Variants in EXOC6B observed in about 807,000 individuals in gnomAD.
The protein encoded by EXOC6B is exocyst complex component 6B.
In EXOC6B, 54 loss-of-function variants were observed where a neutral mutation model predicts 113.5. The observed-to-expected ratio is 0.48, with a 90% confidence interval of 0.38 to 0.60. The LOEUF is 0.60. Ranked by LOEUF, EXOC6B falls within the 20% of genes least tolerant of loss-of-function variation. The probability of loss-of-function intolerance (pLI) is 0.00; values close to 1 mark genes in which losing one functional copy is unlikely to be tolerated. For synonymous variants in EXOC6B, 357 were observed against 339.0 expected (o/e 1.05, Z -0.58); for missense variants, 797 against 977.5 (o/e 0.82, Z 2.46).
intron 20 of EXOC6B, among the ~76,000 whole-genome samples, chr2:72,206,014 G>A (rs1048493262): frequency 6.6e-6 from 1 of 152,162 alleles, no homozygotes; most frequent in East Asian, 1.9e-4. Context: ...TGTGAGAGAC[G>A]AGACTATTGG....
chr2:72,725,720 G>A (rs1680259357), intron 5 of EXOC6B, among the ~76,000 whole-genome samples: 1 of 152,204 alleles, frequency 6.6e-6, no homozygotes, highest in Non-Finnish European at 1.5e-5. Context: ...TATTGGCTAG[G>A]CTATGCAGAA....
chr2:72,182,887 T>A, intron 21 of EXOC6B: 1 of 1,231,056 alleles, frequency 8.1e-7, no homozygotes, highest in Non-Finnish European at 1.0e-6. Flanking sequence ...GTGAATAATA[T>A]ACTTACTCTC....
chr2:72,194,076 C>T (rs968846675), intron 20 of EXOC6B, among the ~76,000 whole-genome samples: 1 of 152,122 alleles, frequency 6.6e-6, no homozygotes, highest in African/African-American at 2.4e-5. Flanking sequence ...AGATCCAAGG[C>T]AGGGAGGGCA....
chr2:72,721,845 C>T (rs909065550), intron 5 of EXOC6B: 21 of 151,866 alleles, frequency 1.4e-4, no homozygotes, highest in African/African-American at 3.6e-4. Flanking sequence ...AATTTAATAT[C>T]TGATATATCT....
chr2:72,798,270 T>TAG (rs923266078), intron 1 of EXOC6B, among the ~76,000 whole-genome samples: 1 of 152,110 alleles, frequency 6.6e-6, no homozygotes, highest in Admixed American at 6.5e-5. Context: ...TGTGTAACTC[T>TAG]AGAGAGCAGA....
intron 17 of EXOC6B, 60 bp from the exon 18 acceptor site, chr2:72,465,399 A>G (rs1329302494): frequency 3.0e-6 from 4 of 1,354,684 alleles, no homozygotes; most frequent in Non-Finnish European, 4.1e-6. Context: ...AGAAATTTCT[A>G]TGAGCTTAGA....
chr2:72,708,537 TGGA>T (rs1351868980), intron 6 of EXOC6B, among the ~76,000 whole-genome samples: 1 of 152,020 alleles, frequency 6.6e-6, no homozygotes, highest in Non-Finnish European at 1.5e-5. Flanking sequence ...ACAATGGAGG[TGGA>T]GAACACAGAT....
chr2:72,566,296 C>T (rs1049801356), intron 7 of EXOC6B, among the ~76,000 whole-genome samples: 2 of 152,056 alleles, frequency 1.3e-5, no homozygotes, highest in African/African-American at 4.8e-5. Context: ...GCCTTTTGAA[C>T]CTGGCTTCTT....
intron 20 of EXOC6B, among the ~76,000 whole-genome samples, chr2:72,320,492 AC>A (rs1687787941): frequency 6.6e-6 from 1 of 152,174 alleles, no homozygotes; most frequent in African/African-American, 2.4e-5. Context: ...AGTCTTTTTA[AC>A]AAATGGTGCT....
intron 1 of EXOC6B, among the ~76,000 whole-genome samples, chr2:72,820,598 A>T (rs1348574843): frequency 6.6e-6 from 1 of 152,170 alleles, no homozygotes; most frequent in Non-Finnish European, 1.5e-5. Context: ...TACTAAATGA[A>T]GGAAGTTAGG....
intron 8 of EXOC6B, among the ~76,000 whole-genome samples, chr2:72,538,739 A>T (rs1365035608): frequency 6.6e-6 from 1 of 152,264 alleles, no homozygotes; most frequent in African/African-American, 2.4e-5. Context: ...TATTGAATAA[A>T]TGAATGAACA....
intron 6 of EXOC6B, among the ~76,000 whole-genome samples, chr2:72,633,519 G>A (rs1241516903): frequency 6.6e-6 from 1 of 152,040 alleles, no homozygotes; most frequent in African/African-American, 2.4e-5. Context: ...AAAACAAAAT[G>A]GACTCTGGTC....
At chr2:72,601,813 A>T (rs1469674054) in intron 6 of EXOC6B, among the ~76,000 whole-genome samples, 1 of 152,220 alleles carries the variant, frequency 6.6e-6, no homozygotes, top group Non-Finnish European at 1.5e-5. Flanking sequence ...ACTGTGGTAT[A>T]TTCATACAAT....
chr2:72,813,354 C>T (rs1028692525), intron 1 of EXOC6B, among the ~76,000 whole-genome samples: 2 of 152,202 alleles, frequency 1.3e-5, no homozygotes, highest in Non-Finnish European at 2.9e-5. Flanking sequence ...TCCCAAAGTG[C>T]TGGGATTACA....
chr2:72,591,867 C>T (rs1009585538), intron 6 of EXOC6B, among the ~76,000 whole-genome samples: 1 of 151,812 alleles, frequency 6.6e-6, no homozygotes, highest in African/African-American at 2.4e-5. Context: ...TAAATGTCTG[C>T]TAATAGGGAA....
intron 6 of EXOC6B, among the ~76,000 whole-genome samples, chr2:72,649,461 C>T (rs535375643): frequency 4.6e-5 from 7 of 151,834 alleles, no homozygotes; most frequent in African/African-American, 9.7e-5. Context: ...AAATGTCTCA[C>T]GTATCATATA....
Position 72,414,759 on chromosome 2 carries a change from A to G in EXOC6B, c.1981-34889T>C, listed in dbSNP as rs574504956. The stretch of plus-strand genomic sequence containing the variant: ...CCAAGAATACGATACTCAACTCTAC[A>G]TAAATTTACCAGCTCACTGAAAGGG... On this transcript the variant is annotated intron_variant, in intron 18 of 21. Coordinates refer to ENST00000272427, the MANE Select transcript of EXOC6B (RefSeq NM_015189.3). 3.9e-5 allele frequency among the ~76,000 whole-genome samples: 6 copies of G among 152,352 alleles called. No individual in the cohort carries two copies. The South Asian group carries it at 1.0e-3, about 26-fold the overall frequency.
At chr2:72,501,738 A>C (rs960218975) in intron 11 of EXOC6B, among the ~76,000 whole-genome samples, 2 of 145,380 alleles carry the variant, frequency 1.4e-5, no homozygotes, top group Admixed American at 1.4e-4. Flanking sequence ...CAAAAAAAAA[A>C]CCAAAACAAA....
chr2:72,492,933 TTTCA>T (rs1381008765), intron 15 of EXOC6B, among the ~76,000 whole-genome samples: 1 of 152,130 alleles, frequency 6.6e-6, no homozygotes, highest in Non-Finnish European at 1.5e-5. Flanking sequence ...GTTTGATGCC[TTTCA>T]TTATTTTTTT....
Sources: allele counts gnomAD v4.1 joint callset (sites outside exome capture counted in the v4.1 genomes callset), GRCh38; gene constraint gnomAD v4.1.1; transcripts MANE v1.5; gene names NCBI Gene and HGNC (gene_info 2026-07-23, HGNC 2026-07-21).